The following RAB11FIP3 variants were observed in gnomAD, a reference collection of about 807,000 sequenced individuals.
RAB11FIP3 encodes the protein RAB11 family interacting protein 3, also known as rab11 family-interacting protein 3.
RAB11FIP3 carries 17 observed loss-of-function variants against 77.8 expected under a neutral mutation model. The observed-to-expected ratio is 0.22, with a 90% confidence interval of 0.15 to 0.33. The LOEUF (loss-of-function observed/expected upper bound fraction) is 0.33, where lower values mean the gene tolerates loss of function less well. Among genes scored for constraint, RAB11FIP3 ranks in the 10% least tolerant of loss-of-function variants. RAB11FIP3 has a pLI of 1.00. For missense variants in RAB11FIP3, 1,005 were observed against 1,011.2 expected (o/e 0.99, Z 0.08); for synonymous variants, 437 against 448.2 (o/e 0.98, Z 0.31).
intron 9 of RAB11FIP3, among the ~76,000 whole-genome samples, chr16:516,639 G>A (rs923058896): frequency 6.6e-6 from 1 of 152,200 alleles, no homozygotes. Context: ...CACTTTGGGA[G>A]GCCGAGGCAG....
chr16:496,613 G>A (rs1041747684), intron 5 of RAB11FIP3, among the ~76,000 whole-genome samples: 5 of 152,224 alleles, frequency 3.3e-5, no homozygotes, highest in Admixed American at 1.3e-4. Context: ...CTGGAGTAAC[G>A]AGACGTATGC....
chr16:438,461 A>G (rs1467939540), intron 1 of RAB11FIP3, among the ~76,000 whole-genome samples: 2 of 135,232 alleles, frequency 1.5e-5, no homozygotes, highest in Non-Finnish European at 1.5e-5. Context: ...GCTGGAGTGC[A>G]GTGGCACTAT....
At chr16:433,672 C>T (rs934518352) in intron 1 of RAB11FIP3, among the ~76,000 whole-genome samples, 2 of 151,312 alleles carry the variant, frequency 1.3e-5, no homozygotes, top group Non-Finnish European at 2.9e-5. Flanking sequence ...CACGGTGAAA[C>T]CCTGTCTCTA....
At chr16:458,339 G>A (rs1192345940) in intron 1 of RAB11FIP3, among the ~76,000 whole-genome samples, 1 of 151,838 alleles carries the variant, frequency 6.6e-6, no homozygotes, top group Non-Finnish European at 1.5e-5. Context: ...GCCCTTGAGG[G>A]TTCTGTGCTT....
At chr16:451,871 G>A (rs1047375270) in intron 1 of RAB11FIP3, among the ~76,000 whole-genome samples, 9 of 151,112 alleles carry the variant, frequency 6.0e-5, no homozygotes, top group African/African-American at 1.7e-4. Flanking sequence ...CAAAAAGGCC[G>A]GGGCTCGGTG....
Position 426,581 on chromosome 16 carries a change from C to G in RAB11FIP3, c.575C>G (p.Pro192Arg), listed in dbSNP as rs765481095. 3.8e-6 allele frequency: 6 copies of G among 1,597,548 alleles called. No individual in the cohort carries two copies. The South Asian group carries it at 6.8e-5, about 18-fold the overall frequency. Residue 192 changes from proline to arginine, a missense_variant, in exon 1 of 14, where the codon CCC (proline) becomes CGC (arginine). By Grantham distance (103) the Pro-to-Arg change is moderately radical. Coordinates refer to ENST00000262305, the MANE Select transcript of RAB11FIP3 (RefSeq NM_014700.4). This position sits in a 1 kb window ranked among gnomAD's most constrained non-coding sequence, Gnocchi z 5.0. ...PQPSDLSQTH[P>R]LPSEPVGSQE... ...CCCTCGGACCTCAGCCAGACCCACC[C>G]CCTTCCGAGCGAGCCCGTGGGGAGT...
intron 3 of RAB11FIP3, among the ~76,000 whole-genome samples, chr16:474,575 A>C (rs2055866258): frequency 6.6e-6 from 1 of 152,006 alleles, no homozygotes; most frequent in East Asian, 1.9e-4. Flanking sequence ...AGCGAAGGGA[A>C]AGTCAGGGAG....
intron 1 of RAB11FIP3, among the ~76,000 whole-genome samples, chr16:449,715 G>A (rs1159253722): frequency 6.6e-6 from 1 of 151,950 alleles, no homozygotes; most frequent in East Asian, 1.9e-4. Flanking sequence ...ACTTTGGGAG[G>A]CTGAGTTGGG....
intron 2 of RAB11FIP3, among the ~76,000 whole-genome samples, chr16:469,272 C>T (rs2055769219): frequency 1.3e-5 from 2 of 152,140 alleles, no homozygotes; most frequent in South Asian, 4.1e-4. Context: ...GACGGGTTTT[C>T]ACCATGTTGG....
chr16:499,795 C>CAAAAAAAAAAAAAA (rs11319631), intron 6 of RAB11FIP3, among the ~76,000 whole-genome samples: 1 of 53,966 alleles, frequency 1.9e-5, no homozygotes, highest in Admixed American at 2.0e-4. Flanking sequence ...AAGACTGTCT[C>CAAAAAAAAAAAAAA]AAAAAAAAAA....
chr16:467,261 A>C (rs1467208432), intron 2 of RAB11FIP3, among the ~76,000 whole-genome samples: 3 of 152,178 alleles, frequency 2.0e-5, no homozygotes, highest in African/African-American at 7.2e-5. Flanking sequence ...CAGAAGGAGC[A>C]GGTGAGAGGC....
chr16:442,049 A>G (rs945144233), intron 1 of RAB11FIP3, among the ~76,000 whole-genome samples: 2 of 152,150 alleles, frequency 1.3e-5, no homozygotes, highest in Non-Finnish European at 2.9e-5. Context: ...CGTGTTAGCC[A>G]GGGTGGTCTC....
At chr16:441,355 C>T (rs115654773) in intron 1 of RAB11FIP3, among the ~76,000 whole-genome samples, 1 of 152,154 alleles carries the variant, frequency 6.6e-6, no homozygotes, top group African/African-American at 2.4e-5. Context: ...TTAAACAAAC[C>T]CATGCTCTAG....
At chr16:459,371 C>T (rs1290874172) in intron 1 of RAB11FIP3, among the ~76,000 whole-genome samples, 1 of 151,760 alleles carries the variant, frequency 6.6e-6, no homozygotes, top group Non-Finnish European at 1.5e-5. Context: ...GGTGATCCGC[C>T]TGCTTCAGCC....
chr16:496,442 G>A (rs1411721007), intron 5 of RAB11FIP3, among the ~76,000 whole-genome samples: 1 of 152,232 alleles, frequency 6.6e-6, no homozygotes, highest in Non-Finnish European at 1.5e-5. Context: ...TCACAGCGGG[G>A]CCTGGGTCAC....
intron 10 of RAB11FIP3, 116 bp downstream of exon 10, chr16:519,140 G>T (rs1395471247): frequency 8.8e-7 from 1 of 1,140,250 alleles, no homozygotes; most frequent in African/African-American, 1.5e-5. Context: ...TGTGTGTGAG[G>T]GAACGGGGCC....
rs1191848825 is a variant in RAB11FIP3 at position 507,512 on chromosome 16, G to A, written c.1499+1885G>A. Among the ~76,000 whole-genome samples the A allele has an allele frequency of 6.6e-6, 1 of 152,214 alleles. No individual in the cohort carries two copies. The highest frequency in any genetic ancestry group is 1.5e-5 in the Non-Finnish European group (1 of 68,042). ...TCCTCCCACCTTGGCCCCCCAAAGT[G>A]CTGAAATCAGAGGCGTGAGCCACCA... On this transcript the variant is annotated intron_variant, in intron 8 of 13. Transcript: ENST00000262305. The surrounding 1 kb of genome is among the most constrained non-coding windows in gnomAD (Gnocchi z 4.6).
chr16:447,537 A>AC (rs574136208), intron 1 of RAB11FIP3, among the ~76,000 whole-genome samples: 5 of 151,996 alleles, frequency 3.3e-5, no homozygotes, highest in Non-Finnish European at 7.4e-5. Context: ...GGAGATCGAG[A>AC]CCATCCTGGC....
intron 3 of RAB11FIP3, among the ~76,000 whole-genome samples, chr16:476,887 G>A (rs1424594687): frequency 2.0e-5 from 3 of 151,962 alleles, no homozygotes; most frequent in African/African-American, 7.2e-5. Context: ...TCAGGAGTTC[G>A]AGACCAGCCT....
Sources: allele counts gnomAD v4.1 joint callset (sites outside exome capture counted in the v4.1 genomes callset), GRCh38; gene constraint gnomAD v4.1.1; non-coding constraint Gnocchi (gnomAD v3.1); transcripts MANE v1.5; gene names NCBI Gene and HGNC (gene_info 2026-07-23, HGNC 2026-07-21).